Variants in SNX13 observed in about 807,000 individuals in gnomAD.
SNX13 encodes the protein sorting nexin-13.
Under a neutral mutation model 133.6 loss-of-function variants are expected in SNX13, and 45 were observed. The ratio of observed to expected loss-of-function variants is 0.34; its 90% CI spans 0.27 to 0.43. The LOEUF (loss-of-function observed/expected upper bound fraction) is 0.43, where lower values mean the gene tolerates loss of function less well. SNX13 is among the 20% of genes least tolerant of loss of function. The probability of loss-of-function intolerance (pLI) is 1.00; values close to 1 mark genes in which losing one functional copy is unlikely to be tolerated. For missense variants in SNX13, 1,032 were observed against 1,145.1 expected (o/e 0.90, Z 1.43); for synonymous variants, 414 against 373.9 (o/e 1.11, Z -1.24).
chr7:17,917,744 T>C (rs981565345), intron 1 of SNX13, among the ~76,000 whole-genome samples: 2 of 152,038 alleles, frequency 1.3e-5, no homozygotes, highest in Non-Finnish European at 2.9e-5. Flanking sequence ...ACAGATTCAA[T>C]GCAATTCCTA....
rs990032833 is a variant in SNX13, at chr7:17,791,660, A to G, written c.*2385T>C. On this transcript the variant is annotated 3_prime_UTR_variant, in exon 26 of 26. Transcript: ENST00000428135. Reference sequence around the variant, plus strand: ...TAAAAAACATTCAAAATCAAATACCAGAAGACATAAAGCCTCTTCATGTAT... The same window carrying G: ...TAAAAAACATTCAAAATCAAATACCGGAAGACATAAAGCCTCTTCATGTAT... 1 of 152,146 alleles carries G rather than the reference A, an allele frequency of 6.6e-6. No individual in the cohort carries two copies. Among genetic ancestry groups the G allele is most frequent in the Non-Finnish European group, 1.5e-5 (1 of 67,970 alleles). The allele number at this position is 152,146 out of a possible 1,614,324, so 9.4% of individuals were successfully genotyped here.
chr7:17,835,833 A>C (rs1789071263), intron 13 of SNX13, among the ~76,000 whole-genome samples: 1 of 151,990 alleles, frequency 6.6e-6, no homozygotes, highest in African/African-American at 2.4e-5. Flanking sequence ...TTTTGTTAGT[A>C]AACCTAAGTA....
intron 1 of SNX13, among the ~76,000 whole-genome samples, chr7:17,934,447 T>C (rs931114185): frequency 6.6e-6 from 1 of 152,174 alleles, no homozygotes; most frequent in African/African-American, 2.4e-5. Context: ...GATGTGTCTG[T>C]GAGGATGTTT....
intron 9 of SNX13, among the ~76,000 whole-genome samples, chr7:17,860,635 A>G (rs540682650): frequency 6.6e-6 from 1 of 152,314 alleles, no homozygotes; most frequent in Middle Eastern, 3.4e-3. Flanking sequence ...TAATTTTTAC[A>G]TGCAGGGCAA....
intron 1 of SNX13, among the ~76,000 whole-genome samples, chr7:17,904,420 C>T (rs1798171519): frequency 6.6e-6 from 1 of 152,184 alleles, no homozygotes; most frequent in African/African-American, 2.4e-5. Flanking sequence ...GTTATCAGTG[C>T]TTAATTTAGG....
At chr7:17,837,428 C>T (rs1252685416) in intron 13 of SNX13, among the ~76,000 whole-genome samples, 1 of 152,024 alleles carries the variant, frequency 6.6e-6, no homozygotes, top group African/African-American at 2.4e-5. Flanking sequence ...GTGTGAGCCA[C>T]TGCACCTAGC....
At chr7:17,899,015 T>C (rs1332819184) in intron 1 of SNX13, 1 of 152,240 alleles carries the variant, frequency 6.6e-6, no homozygotes, top group East Asian at 1.9e-4. Flanking sequence ...AGAAGTGTCC[T>C]CTGACTTCCT....
intron 11 of SNX13, among the ~76,000 whole-genome samples, chr7:17,849,503 G>A (rs901448148): frequency 7.2e-5 from 11 of 151,954 alleles, no homozygotes; most frequent in Non-Finnish European, 1.5e-4. Context: ...TTAACTTTTA[G>A]CTTGTAAGTC....
intron 2 of SNX13, among the ~76,000 whole-genome samples, chr7:17,896,130 T>C (rs1797179659): frequency 6.6e-6 from 1 of 152,186 alleles, no homozygotes; most frequent in South Asian, 2.1e-4. Flanking sequence ...GGAAACCCAT[T>C]TGGCTGCAGA....
intron 5 of SNX13, chr7:17,880,532 G>A (rs1372779766): frequency 6.6e-6 from 1 of 152,158 alleles, no homozygotes; most frequent in Non-Finnish European, 1.5e-5. Context: ...CAGACTAATT[G>A]TATCAGATTT....
chr7:17,918,219 C>T (rs1002547387), intron 1 of SNX13, among the ~76,000 whole-genome samples: 1 of 152,078 alleles, frequency 6.6e-6, no homozygotes, highest in Non-Finnish European at 1.5e-5. Context: ...TGAACATTGG[C>T]TTAGCCAAAG....
At chr7:17,855,331 C>T (rs1334656669) in intron 9 of SNX13, among the ~76,000 whole-genome samples, 1 of 152,168 alleles carries the variant, frequency 6.6e-6, no homozygotes, top group Non-Finnish European at 1.5e-5. Flanking sequence ...CAGATTTAGT[C>T]TAGATCACTG....
intron 12 of SNX13, among the ~76,000 whole-genome samples, chr7:17,843,839 T>TGAAAACAC (rs796877855): frequency 6.6e-5 from 10 of 151,972 alleles, no homozygotes; most frequent in African/African-American, 2.4e-4. Context: ...TCTGAAAACA[T>TGAAAACAC]GAAAACACAC....
At chr7:17,914,324 T>C (rs983744300) in intron 1 of SNX13, among the ~76,000 whole-genome samples, 1 of 152,084 alleles carries the variant, frequency 6.6e-6, no homozygotes, top group African/African-American at 2.4e-5. Flanking sequence ...AGGAAATAAT[T>C]CGGGAAAATT....
chr7:17,907,224 C>G (rs1798501033), intron 1 of SNX13: 3 of 152,288 alleles, frequency 2.0e-5, no homozygotes, highest in East Asian at 1.9e-4. Context: ...CTCAGCCCAT[C>G]TGACTTATAA....
chr7:17,911,965 T>C (rs1238316397), intron 1 of SNX13, among the ~76,000 whole-genome samples: 1 of 152,240 alleles, frequency 6.6e-6, no homozygotes, highest in Non-Finnish European at 1.5e-5. Context: ...CACTAAATGT[T>C]GGCATTCTAT....
intron 8 of SNX13, among the ~76,000 whole-genome samples, chr7:17,871,386 G>A (rs1334011873): frequency 6.6e-6 from 1 of 152,168 alleles, no homozygotes; most frequent in Non-Finnish European, 1.5e-5. Flanking sequence ...TGCCAGTGTG[G>A]CTGGAGTATA....
chr7:17,831,711 A>G, intron 15 of SNX13: 1 of 984,192 alleles, frequency 1.0e-6, no homozygotes, highest in South Asian at 4.7e-5. Flanking sequence ...AAGGTGGTCA[A>G]AATTTCAGAA....
At chr7:17,940,135 G>A (rs542173407) in intron 1 of SNX13, 149 bp downstream of exon 1, 4 of 1,019,314 alleles carry the variant, frequency 3.9e-6, no homozygotes, top group African/African-American at 3.2e-5. Context: ...CTACTCTGAG[G>A]GCACTTGTAG....
Sources: gnomAD v4.1 joint callset for allele counts (sites outside exome capture counted in the v4.1 genomes callset) on GRCh38, gnomAD v4.1.1 for gene constraint, MANE v1.5 for transcripts, NCBI Gene and HGNC (gene_info 2026-07-23, HGNC 2026-07-21) for gene names.